Variants in EHF observed in about 807,000 individuals in gnomAD.
EHF encodes ETS homologous factor.
EHF carries 14 observed loss-of-function variants against 45.1 expected under a neutral mutation model. The observed-to-expected ratio is 0.31, with a 90% CI of 0.21 to 0.49. The LOEUF (loss-of-function observed/expected upper bound fraction) is 0.49, where lower values mean the gene tolerates loss of function less well. Among genes scored for constraint, EHF ranks in the 20% least tolerant of loss-of-function variants. The probability of loss-of-function intolerance (pLI) is 0.99; values close to 1 mark genes in which losing one functional copy is unlikely to be tolerated. For synonymous variants in EHF, 136 were observed against 131.8 expected (o/e 1.03, Z -0.22); for missense variants, 282 against 371.4 (o/e 0.76, Z 1.98).
At chr11:34,638,456 C>T (rs1325276106) in intron 1 of EHF, among the ~76,000 whole-genome samples, 1 of 152,144 alleles carries the variant, frequency 6.6e-6, no homozygotes, top group Non-Finnish European at 1.5e-5. Flanking sequence ...TATGCCTATT[C>T]TCCGGGAGAG....
At chr11:34,625,214 C>G (rs1182255551) in intron 1 of EHF, among the ~76,000 whole-genome samples, 1 of 152,094 alleles carries the variant, frequency 6.6e-6, no homozygotes, top group Non-Finnish European at 1.5e-5. Context: ...CACCTGGAGC[C>G]TTTATTAAGG....
intron 1 of EHF, among the ~76,000 whole-genome samples, chr11:34,636,179 A>C (rs757105366): frequency 6.6e-6 from 1 of 152,344 alleles, no homozygotes; most frequent in South Asian, 2.1e-4. Context: ...ACATTTATCA[A>C]ATACTTACTA....
chr11:34,630,750 T>G (rs989306007), intron 1 of EHF, among the ~76,000 whole-genome samples: 2 of 152,138 alleles, frequency 1.3e-5, no homozygotes, highest in Non-Finnish European at 2.9e-5. Flanking sequence ...TTCTAAGCAC[T>G]CCACTCCCTA....
chr11:34,646,981 A>T (rs1854612895), intron 3 of EHF: 1 of 453,556 alleles, frequency 2.2e-6, no homozygotes, highest in African/African-American at 2.0e-5. Flanking sequence ...TATCCTTGGA[A>T]AATGTTTTCT....
At chr11:34,648,952 C>G in intron 3 of EHF, 67 bp from the exon 4 acceptor site, 1 of 1,477,580 alleles carries the variant, frequency 6.8e-7, no homozygotes, top group Non-Finnish European at 9.4e-7. Flanking sequence ...CAGTTCTGTC[C>G]TTATTTAAGC....
At chr11:34,622,453 G>A (rs1852049328) in intron 1 of EHF, 1 of 1,250,980 alleles carries the variant, frequency 8.0e-7, no homozygotes, top group African/African-American at 1.5e-5. Context: ...TGTGTAAAAG[G>A]GCAATTAGAG....
chr11:34,630,083 A>G (rs1307266543), intron 1 of EHF, among the ~76,000 whole-genome samples: 2 of 152,216 alleles, frequency 1.3e-5, no homozygotes, highest in African/African-American at 2.4e-5. Flanking sequence ...AGGATGATCA[A>G]TATGTCTCCT....
At chr11:34,643,946 G>T (rs953378331) in intron 2 of EHF, among the ~76,000 whole-genome samples, 1 of 152,198 alleles carries the variant, frequency 6.6e-6, no homozygotes, top group Non-Finnish European at 1.5e-5. Flanking sequence ...CTCAAAGAAA[G>T]CTCAGCCTTG....
At chr11:34,646,315 T>G (rs942906573) in intron 2 of EHF, 124 bp from the exon 3 acceptor site, 2 of 1,459,576 alleles carry the variant, frequency 1.4e-6, no homozygotes, top group African/African-American at 2.8e-5. Context: ...TCACCCATGC[T>G]GGCACATACA....
chr11:34,645,012 G>A (rs1854375921), intron 2 of EHF, among the ~76,000 whole-genome samples: 1 of 152,188 alleles, frequency 6.6e-6, no homozygotes, highest in Non-Finnish European at 1.5e-5. Context: ...ATATCCATGT[G>A]TCACGTTCTG....
rs570171259 is a variant in EHF at position 34,624,161 on chromosome 11, G to A, written c.-4+2933G>A. ...TCAGCCCATTTCTCTTGTTAAGATC[G>A]CTCTCTGGTAGAGTTGACGTGACAC... is the stretch of plus-strand genomic sequence containing the variant. On this transcript the variant is annotated intron_variant, in intron 1 of 8. Coordinates refer to ENST00000257831, the MANE Select transcript of EHF (RefSeq NM_012153.6). 9 of 438,796 alleles carry A rather than the reference G, an allele frequency of 2.1e-5. No individual in the cohort carries two copies. The East Asian group carries it at 9.4e-4, about 46-fold the overall frequency. The allele number at this position is 438,796 out of a possible 1,614,324, so 27.2% of individuals were successfully genotyped here.
At chr11:34,623,383 G>A (rs1273901211) in intron 1 of EHF, among the ~76,000 whole-genome samples, 1 of 152,136 alleles carries the variant, frequency 6.6e-6, no homozygotes, top group South Asian at 2.1e-4. Context: ...ACCGTGCCCA[G>A]CCATATTGTT....
intron 1 of EHF, among the ~76,000 whole-genome samples, chr11:34,634,438 G>T (rs1172791389): frequency 6.6e-6 from 1 of 152,362 alleles, no homozygotes; most frequent in Non-Finnish European, 1.5e-5. Flanking sequence ...GCAGTTTGGG[G>T]ATAATGTGGT....
At chr11:34,627,705 G>T (rs1852498813) in intron 1 of EHF, among the ~76,000 whole-genome samples, 1 of 152,024 alleles carries the variant, frequency 6.6e-6, no homozygotes, top group African/African-American at 2.4e-5. Context: ...CCCTAACTTG[G>T]GGTCCAAGGG....
rs555977132 is a variant in EHF, at chr11:34,650,381, A to G, written c.407-1161A>G. On this transcript the variant is annotated intron_variant, in intron 4 of 8. Transcript: ENST00000257831. The stretch of plus-strand genomic sequence containing the variant: ...AACAACAGGTGTACAAGGTGACCCA[A>G]CAAGGAGAGAGGGTGTAACCCCAAG... Among the ~76,000 whole-genome samples, 151 of 152,312 alleles carry G rather than the reference A, an allele frequency of 9.9e-4. 1 individual carries two copies. The highest frequency in any genetic ancestry group is 1.5e-3 in the Non-Finnish European group (104 of 68,030).
chr11:34,622,506 A>T, intron 1 of EHF: 1 of 649,984 alleles, frequency 1.5e-6, no homozygotes, highest in Non-Finnish European at 2.2e-6. Flanking sequence ...GTCAGGGGAA[A>T]AATTTATTTC....
chr11:34,657,014 C>T lies in EHF; in HGVS notation c.607+44C>T, dbSNP rs762260115. 6.2e-6 allele frequency: 10 copies of T among 1,607,696 alleles called. No homozygotes were observed. In the South Asian group the frequency reaches 1.0e-4, roughly 16 times the overall value. On this transcript the variant is annotated intron_variant, in intron 7 of 8. Coordinates refer to ENST00000257831, the MANE Select transcript of EHF (RefSeq NM_012153.6). ...AGATGGCCTTTGGTCCTTCCCATCACATCGGGCACATCTGGAGGCCACTAG... is the reference window on the plus strand; with the variant it reads ...AGATGGCCTTTGGTCCTTCCCATCATATCGGGCACATCTGGAGGCCACTAG...
At position 34,658,813 on chromosome 11, in the gene EHF, G is replaced by A. The variant is rs368391797; in HGVS notation, c.804-19G>A. 1 of 1,609,632 alleles carries A rather than the reference G, an allele frequency of 6.2e-7. No homozygotes were observed. On this transcript the variant is annotated intron_variant, in intron 8 of 8. Transcript: ENST00000257831. The stretch of plus-strand genomic sequence containing the variant: ...ACCTTCATCGGATCAGTCACCTTAT[G>A]CAATCTCCTTTGTTACAGATATTAC...
chr11:34,642,060 G>A (rs1854051891), intron 1 of EHF: 1 of 152,152 alleles, frequency 6.6e-6, no homozygotes, highest in East Asian at 1.9e-4. Flanking sequence ...TTATCACAAA[G>A]CCAGATACTT....
Sources: gnomAD v4.1 joint callset for allele counts (sites outside exome capture counted in the v4.1 genomes callset) on GRCh38, gnomAD v4.1.1 for gene constraint, MANE v1.5 for transcripts, NCBI Gene and HGNC (gene_info 2026-07-23, HGNC 2026-07-21) for gene names.